The following ATP6V1B1 variants were observed in gnomAD, a reference collection of about 807,000 sequenced individuals.
The protein encoded by ATP6V1B1 is ATPase H+ transporting V1 subunit B1, also known as V-type proton ATPase subunit B, kidney isoform.
ATP6V1B1 carries 41 observed loss-of-function variants against 62.1 expected under a neutral mutation model. The observed-to-expected ratio is 0.66, with a 90% CI of 0.51 to 0.86. ATP6V1B1 has a LOEUF of 0.86. Among genes scored for constraint, ATP6V1B1 ranks in the 40% least tolerant of loss-of-function variants. The pLI, the probability that ATP6V1B1 is intolerant of heterozygous loss-of-function variation, is 0.00. For synonymous variants in ATP6V1B1, 253 were observed against 273.4 expected (o/e 0.93, Z 0.74); for missense variants, 651 against 697.5 (o/e 0.93, Z 0.75).
At position 70,964,718 on chromosome 2, in the gene ATP6V1B1, G is replaced by C. The variant is rs201039592; in HGVS notation, c.1249-18G>C. The stretch of plus-strand genomic sequence containing the variant: ...TGGTAAGCCCGCAGCGGCCACCGAC[G>C]CCTTGCCCCTCCCCCAGTACGCCTG... On this transcript the variant is annotated intron_variant, in intron 12 of 13. Transcript: ENST00000234396. 5.0e-4 allele frequency: 806 copies of C among 1,613,198 alleles called. 5 individuals are homozygous for C. The highest frequency in any genetic ancestry group is 2.2e-4 in the East Asian group (10 of 44,870).
intron 2 of ATP6V1B1, chr2:70,947,638 A>G (rs1680216055): frequency 6.6e-6 from 1 of 152,224 alleles, no homozygotes; most frequent in East Asian, 1.9e-4. Context: ...TGCCCTGGCC[A>G]TTGTCAGCAG....
intron 2 of ATP6V1B1, among the ~76,000 whole-genome samples, chr2:70,957,444 C>T (rs1215241017): frequency 1.3e-5 from 2 of 152,024 alleles, no homozygotes; most frequent in African/African-American, 2.4e-5. Flanking sequence ...TTTTAAAATC[C>T]TTGATCCCTG....
At chr2:70,964,114 A>ATTTTTTTGTTTTTT in intron 11 of ATP6V1B1, 1 of 123,588 alleles carries the variant, frequency 8.1e-6, no homozygotes, top group Non-Finnish European at 1.3e-5. Flanking sequence ...CTTGGCAGGT[A>ATTTTTTTGTTTTTT]TTTTTTTTTT....
Position 70,936,032 on chromosome 2 carries a change from G to A in ATP6V1B1, c.78G>A (p.Met26Ile), listed in dbSNP as rs782635244. 6.2e-7 allele frequency: 1 copy of A among 1,614,076 alleles called. No individual in the cohort carries two copies. The highest frequency in any genetic ancestry group is 8.5e-7 in the Non-Finnish European group (1 of 1,179,968). The change falls in exon 1 of 14, where the codon ATG (methionine) becomes ATA (isoleucine). Residue 26 changes from methionine to isoleucine, a missense_variant. Coordinates refer to ENST00000234396, the MANE Select transcript of ATP6V1B1 (RefSeq NM_001692.4). Reference sequence around the variant, plus strand: ...ACCTAGGTGCAGCCCGAGAACACATGCAGGCGGTCACCCGAAACTACATCA... The same window carrying A: ...ACCTAGGTGCAGCCCGAGAACACATACAGGCGGTCACCCGAAACTACATCA... ...SCNLGAAREH[M>I]QAVTRNYITH...
chr2:70,942,159 G>A (rs2104802413), intron 1 of ATP6V1B1: 1 of 576,060 alleles, frequency 1.7e-6, no homozygotes, highest in Non-Finnish European at 2.6e-6. Context: ...CCGGTGCAGG[G>A]GAAGGACCCA....
chr2:70,947,133 T>G (rs1454863488), intron 2 of ATP6V1B1, among the ~76,000 whole-genome samples: 1 of 131,600 alleles, frequency 7.6e-6, no homozygotes, highest in Admixed American at 7.7e-5. Context: ...TCAGAGGTTC[T>G]TAGCCCAAGG....
chr2:70,949,348 G>T (rs546244958), intron 2 of ATP6V1B1, among the ~76,000 whole-genome samples: 7 of 152,334 alleles, frequency 4.6e-5, no homozygotes, highest in Non-Finnish European at 1.0e-4. Flanking sequence ...ACAGACATTC[G>T]TATGTTCTCA....
At chr2:70,938,774 CAGA>C (rs1679917067) in intron 1 of ATP6V1B1, 2 of 985,246 alleles carry the variant, frequency 2.0e-6, no homozygotes, top group Admixed American at 1.2e-4. Flanking sequence ...TCTGTTTGGG[CAGA>C]AGATGTTGGG....
Position 70,963,551 on chromosome 2 carries a change from G to A in ATP6V1B1, c.1061-21G>A, listed in dbSNP as rs1553420509. Reference sequence around the variant, plus strand: ...AGACCTGGGCCCCCACCCACACTGAGGCCAGTGAGTTTTCTTGTAGATATC... The same window carrying A: ...AGACCTGGGCCCCCACCCACACTGAAGCCAGTGAGTTTTCTTGTAGATATC... On this transcript the variant is annotated intron_variant, in intron 10 of 13. Coordinates refer to ENST00000234396, the MANE Select transcript of ATP6V1B1 (RefSeq NM_001692.4). This position sits in a 1 kb window ranked among gnomAD's most constrained non-coding sequence, Gnocchi z 4.3. The A allele has an allele frequency of 2.5e-6, 4 of 1,611,726 alleles. No individual in the cohort carries two copies. Among genetic ancestry groups the A allele is most frequent in the Non-Finnish European group, 3.4e-6 (4 of 1,177,814 alleles).
In ATP6V1B1 at chr2:70,958,087, T is replaced by C. The variant is rs140021331; in HGVS notation, c.216T>C (p.Asp72=). ...AGATCGTCCACTTCACCCTCCCAGA[T>C]GGGACTCAGAGGAGCGGGCAGGTGC... ...YAEIVHFTLP[D]GTQRSGQVLE... The change falls in exon 3 of 14, where the codon GAT becomes GAC. Residue 72 remains aspartate (D), a synonymous_variant. Coordinates refer to ENST00000234396, the MANE Select transcript of ATP6V1B1 (RefSeq NM_001692.4). 4.3e-6 allele frequency: 7 copies of C among 1,614,010 alleles called. No homozygotes were observed. The highest frequency in any genetic ancestry group is 1.1e-5 in the South Asian group (1 of 91,064).
chr2:70,958,214 A>G, intron 3 of ATP6V1B1, 70 bp downstream of exon 3: 1 of 1,593,170 alleles, frequency 6.3e-7, no homozygotes, highest in Non-Finnish European at 8.6e-7. Flanking sequence ...CACACTATCT[A>G]CAAACTCTGA....
rs1680589714 is a variant in ATP6V1B1 at position 70,961,631 on chromosome 2, C to T, written c.723C>T (p.Asp241=). 3 of 1,614,252 alleles carry T rather than the reference C, an allele frequency of 1.9e-6. No individual in the cohort carries two copies. Among genetic ancestry groups the T allele is most frequent in the Non-Finnish European group, 2.5e-6 (3 of 1,180,038 alleles). Residue 241 remains aspartate, a synonymous_variant, in exon 8 of 14, where the codon GAC becomes GAT. Coordinates refer to ENST00000234396, the MANE Select transcript of ATP6V1B1 (RefSeq NM_001692.4). ...AGACAGCCAGATTCTTCAAGTCTGA[C>T]TTTGAGCAGAATGGAACCATGGGGA... ...NMETARFFKS[D]FEQNGTMGNV... is the part of the protein sequence containing the mutation.
At position 70,964,816 on chromosome 2, in the gene ATP6V1B1, G is replaced by A. The variant is rs1553420776; in HGVS notation, c.1329G>A (p.Leu443=). Residue 443 remains leucine (L), a synonymous_variant, in exon 13 of 14, where the codon CTG becomes CTA. Transcript: ENST00000234396. ...VGEEALTSED[L]LYLEFLQKFE... ...AGGAGGCGCTCACCTCTGAGGACCT[G>A]CTCTACCTGGAATTCCTGCAGAAGT... 2 of 1,614,000 alleles carry A rather than the reference G, an allele frequency of 1.2e-6. No individual in the cohort carries two copies. The highest frequency in any genetic ancestry group is 4.5e-5 in the East Asian group (2 of 44,854).
chr2:70,965,321 C>T lies in ATP6V1B1; in HGVS notation c.*200C>T. ...GCGCTCCATGCCTCCCCCTCGACTC[C>T]CGGTGCTGCGGAAGAACTGAAGGTT... On this transcript the variant is annotated 3_prime_UTR_variant, in exon 14 of 14. Coordinates refer to ENST00000234396, the MANE Select transcript of ATP6V1B1 (RefSeq NM_001692.4). The T allele has an allele frequency of 1.4e-6, 1 of 721,430 alleles. No homozygotes were observed. The allele number at this position is 721,430 out of a possible 1,614,324, so 44.7% of individuals were successfully genotyped here.
chr2:70,950,410 G>A (rs1680295154), intron 2 of ATP6V1B1, among the ~76,000 whole-genome samples: 2 of 152,050 alleles, frequency 1.3e-5, no homozygotes, highest in African/African-American at 4.8e-5. Flanking sequence ...AAGGATTAAT[G>A]TTTTTATGCT....
rs781847157 is a variant in ATP6V1B1, at chr2:70,962,783, G to T, written c.792G>T (p.Glu264Asp). 1.2e-6 allele frequency: 2 copies of T among 1,613,826 alleles called. No homozygotes were observed. The highest frequency in any genetic ancestry group is 2.7e-5 in the African/African-American group (2 of 74,934). The change falls in exon 9 of 14, where the codon GAG (glutamate) becomes GAT (aspartate). Residue 264 changes from glutamate (E) to aspartate (D), a missense_variant. Glu to Asp is a conservative substitution (Grantham distance 45). Coordinates refer to ENST00000234396, the MANE Select transcript of ATP6V1B1 (RefSeq NM_001692.4). Reference protein sequence around the residue: ...FLNLANDPTIERIITPRLALT... With the variant: ...FLNLANDPTIDRIITPRLALT... ...CACCTGGCTACACCTCCAGGATCGA[G>T]CGGATCATCACCCCGCGCCTGGCGC...
chr2:70,945,585 TG>T (rs1483392508), intron 2 of ATP6V1B1, among the ~76,000 whole-genome samples: 2 of 151,564 alleles, frequency 1.3e-5, no homozygotes, highest in African/African-American at 4.8e-5. Flanking sequence ...TACACAGTGA[TG>T]TTTTGATACA....
At chr2:70,940,907 CTTTTTCTTTTTTT>C (rs1469934660) in intron 1 of ATP6V1B1, 21 of 745,860 alleles carry the variant, frequency 2.8e-5, no homozygotes, top group Non-Finnish European at 3.1e-5. Flanking sequence ...TTTTCTTTTT[CTTTTTCTTTTTTT>C]TTTTTTTTTT....
At position 70,952,759 on chromosome 2, in the gene ATP6V1B1, C is replaced by T. The variant is rs554719409; in HGVS notation, c.175-5287C>T. Among the ~76,000 whole-genome samples, 3 of 152,140 alleles carry T rather than the reference C, an allele frequency of 2.0e-5. No homozygotes were observed. In the South Asian group the frequency reaches 6.2e-4, roughly 32 times the overall value. ...TATTGATCTATAGTTTTCCTTTTGG[C>T]TCTATCTTTAATGTATTTGGGAATT... On this transcript the variant is annotated intron_variant, in intron 2 of 13. Coordinates refer to ENST00000234396, the MANE Select transcript of ATP6V1B1 (RefSeq NM_001692.4).
Sources: allele counts gnomAD v4.1 joint callset (sites outside exome capture counted in the v4.1 genomes callset), GRCh38; gene constraint gnomAD v4.1.1; non-coding constraint Gnocchi (gnomAD v3.1); transcripts MANE v1.5; gene names NCBI Gene and HGNC (gene_info 2026-07-23, HGNC 2026-07-21).